F9: variants seen among roughly 807,000 people sequenced by gnomAD.
The protein encoded by F9 is coagulation factor IX.
Under a neutral mutation model 34.1 loss-of-function variants are expected in F9, and 2 were observed. The ratio of observed to expected loss-of-function variants is 0.06; its 90% CI spans 0.02 to 0.18. F9 has a LOEUF of 0.18. Ranked by LOEUF, F9 falls within the 10% of genes least tolerant of loss-of-function variation. The probability of loss-of-function intolerance (pLI) is 1.00; values close to 1 mark genes in which losing one functional copy is unlikely to be tolerated. For missense variants in F9, 216 were observed against 345.1 expected (o/e 0.63, Z 2.96); for synonymous variants, 137 against 118.8 (o/e 1.15, Z -1.00).
chrX:139,556,486 G>C (rs1023598778), intron 6 of F9, among the ~76,000 whole-genome samples: 2 of 111,880 alleles, frequency 1.8e-5, no homozygotes, highest in Non-Finnish European at 3.8e-5. Flanking sequence ...CTCAGTGGCA[G>C]ATAACATGCA....
intron 5 of F9, among the ~76,000 whole-genome samples, 162 bp from the exon 6 acceptor site, chrX:139,550,899 AC>A (rs995503262): frequency 8.9e-6 from 1 of 111,779 alleles, no homozygotes; most frequent in African/African-American, 3.3e-5. Flanking sequence ...AACGCAATCA[AC>A]CTTTTAGCTT....
chrX:139,556,617 T>C (rs1251737708), intron 6 of F9, among the ~76,000 whole-genome samples: 2 of 112,497 alleles, frequency 1.8e-5, no homozygotes, highest in Admixed American at 9.4e-5. Context: ...CTATCTCAGA[T>C]GATAAAAATT....
At chrX:139,561,423 T>C (rs1327058036) in intron 7 of F9, 101 bp from the exon 8 acceptor site, 11 of 739,468 alleles carry the variant, frequency 1.5e-5, no homozygotes, top group Non-Finnish European at 2.2e-5. Context: ...GAATGAGATC[T>C]TTAACATTGC....
At chrX:139,530,918 GTCT>G (rs1166099110) in intron 1 of F9, 66 bp downstream of exon 1, 1 of 917,069 alleles carries the variant, frequency 1.1e-6, no homozygotes, top group Non-Finnish European at 1.6e-6. Flanking sequence ...ATCTGATGCT[GTCT>G]TCTTCACTAA....
chrX:139,535,618 C>G (rs764284476), intron 1 of F9, among the ~76,000 whole-genome samples: 27 of 111,265 alleles, frequency 2.4e-4, no homozygotes, highest in African/African-American at 7.8e-4. Context: ...ATCTTATAAG[C>G]CCTTGGTCCT....
At chrX:139,554,663 G>T (rs569370483) in intron 6 of F9, among the ~76,000 whole-genome samples, 1 of 112,601 alleles carries the variant, frequency 8.9e-6, no homozygotes, top group Middle Eastern at 4.6e-3. Context: ...CAGCAAACCT[G>T]CTGTGACTAA....
chrX:139,553,407 G>T (rs1927889165), intron 6 of F9, among the ~76,000 whole-genome samples: 1 of 111,029 alleles, frequency 9.0e-6, no homozygotes, highest in Non-Finnish European at 1.9e-5. Context: ...TTGTCATTTT[G>T]TGTTCTCATG....
chrX:139,540,323 T>C (rs186293251), intron 3 of F9, among the ~76,000 whole-genome samples: 157 of 112,205 alleles, frequency 1.4e-3, no homozygotes, highest in African/African-American at 4.9e-3. Context: ...ACACGGTAAA[T>C]GCAGAAACTT....
rs139089559 is a variant in F9 at position 139,537,098 on chromosome X, C to T, written c.177C>T (p.Asn59=). Residue 59 remains asparagine, a synonymous_variant, in exon 2 of 8, where the codon AAC becomes AAT. Transcript: ENST00000218099. ...SGKLEEFVQG[N]LERECMEEKC... ...AATTGGAAGAGTTTGTTCAAGGGAA[C>T]CTTGAGAGAGAATGTATGGAAGAAA... 2 of 1,210,375 alleles carry T rather than the reference C, an allele frequency of 1.7e-6. No homozygotes were observed. The highest frequency in any genetic ancestry group is 2.2e-6 in the Non-Finnish European group (2 of 894,547).
intron 3 of F9, among the ~76,000 whole-genome samples, chrX:139,538,082 C>G (rs1020307940): frequency 8.9e-6 from 1 of 111,880 alleles, no homozygotes; most frequent in African/African-American, 3.2e-5. Context: ...CAGAACTCCA[C>G]TCTACTTTTT....
chrX:139,551,278 A>T lies in F9; in HGVS notation c.723+14A>T, dbSNP rs775384139. 2 of 1,192,112 alleles carry T rather than the reference A, an allele frequency of 1.7e-6. No individual in the cohort carries two copies. Among genetic ancestry groups the T allele is most frequent in the Admixed American group, 4.3e-5 (2 of 46,009 alleles). On this transcript the variant is annotated intron_variant, in intron 6 of 7. Coordinates refer to ENST00000218099, the MANE Select transcript of F9 (RefSeq NM_000133.4). ...TTCCCTTGGCAGGTACTTTATACTG[A>T]TGGTGTGTCAAAACTGGAGCTCAGC...
Position 139,562,070 on chromosome X carries a change from A to G in F9, c.1385A>G (p.Ter462=), listed in dbSNP as rs561793582. 4.0e-4 allele frequency: 479 copies of G among 1,206,902 alleles called. 5 individuals are homozygous for G. In the South Asian group the frequency reaches 8.0e-3, roughly 20 times the overall value. The change falls in exon 8 of 8, where the codon TAA becomes TGA. Residue 462 remains the stop codon, a stop_retained_variant. Transcript: ENST00000218099. ...NWIKEKTKLT[*] ...ATTAAGGAAAAAACAAAGCTCACTT[A>G]ATGAAAGATGGATTTCCAAGGTTAA...
At position 139,548,487 on chromosome X, in the gene F9, A is replaced by T. The variant is rs1462862045; in HGVS notation, c.516A>T (p.Pro172=). 2 of 1,209,890 alleles carry T rather than the reference A, an allele frequency of 1.7e-6. No homozygotes were observed. Among genetic ancestry groups the T allele is most frequent in the East Asian group, 5.9e-5 (2 of 33,791 alleles). Residue 172 remains proline, a synonymous_variant, in exon 5 of 8, where the codon CCA becomes CCT. Transcript: ENST00000218099. The part of the protein sequence containing the change: ...RLAENQKSCE[P]AVPFPCGRVS... Reference sequence around the variant, plus strand: ...CAGAAAACCAGAAGTCCTGTGAACCAGCAGGTCATAATCTGAATAAGATTT... The same window carrying T: ...CAGAAAACCAGAAGTCCTGTGAACCTGCAGGTCATAATCTGAATAAGATTT...
intron 7 of F9, 85 bp from the exon 8 acceptor site, chrX:139,561,439 A>T: frequency 1.2e-6 from 1 of 813,478 alleles, no homozygotes; most frequent in Non-Finnish European, 1.8e-6. Context: ...ATTGCCAATT[A>T]GGTCAGTGGT....
At chrX:139,539,774 T>C (rs1333095286) in intron 3 of F9, among the ~76,000 whole-genome samples, 1 of 112,120 alleles carries the variant, frequency 8.9e-6, no homozygotes, top group Non-Finnish European at 1.9e-5. Flanking sequence ...AATTAGAGTA[T>C]CTGTGCAAAA....
chrX:139,560,448 G>A (rs779686032), intron 6 of F9, among the ~76,000 whole-genome samples: 1 of 111,820 alleles, frequency 8.9e-6, no homozygotes, highest in East Asian at 2.8e-4. Flanking sequence ...TGACTCATGG[G>A]GAAAAAATCC....
At chrX:139,561,086 C>T (rs1210118684) in intron 7 of F9, among the ~76,000 whole-genome samples, 2 of 111,513 alleles carry the variant, frequency 1.8e-5, no homozygotes, top group Non-Finnish European at 3.8e-5. Flanking sequence ...TTGATGTAGC[C>T]ATTTCCATAC....
rs1927767244 is a variant in F9, at chrX:139,548,433, T to G, written c.462T>G (p.Val154=). ...AAAATAGTGCTGATAACAAGGTGGT[T>G]TGCTCCTGTACTGAGGGATATCGAC... The part of the protein sequence containing the change: ...FCKNSADNKV[V]CSCTEGYRLA... Residue 154 remains valine, a synonymous_variant, in exon 5 of 8, where the codon GTT becomes GTG. Transcript: ENST00000218099. 4.1e-6 allele frequency: 5 copies of G among 1,208,973 alleles called. No individual in the cohort carries two copies. In the South Asian group the frequency reaches 8.8e-5, roughly 21 times the overall value.
chrX:139,557,782 G>A (rs1026336363), intron 6 of F9, among the ~76,000 whole-genome samples: 17 of 112,675 alleles, frequency 1.5e-4, no homozygotes, highest in Admixed American at 1.1e-3. Context: ...TCTTATGACC[G>A]GCGTACTTAC....
Sources: allele counts gnomAD v4.1 joint callset (sites outside exome capture counted in the v4.1 genomes callset), GRCh38; gene constraint gnomAD v4.1.1; transcripts MANE v1.5; gene names NCBI Gene and HGNC (gene_info 2026-07-23, HGNC 2026-07-21).